CNTN4: variants seen among roughly 807,000 people sequenced by gnomAD.
CNTN4 encodes the protein contactin-4.
In CNTN4, 77 loss-of-function variants were observed where a neutral mutation model predicts 122.5. That is an observed-to-expected ratio of 0.63 (90% CI 0.52 to 0.76). The LOEUF (loss-of-function observed/expected upper bound fraction) is 0.76, where lower values mean the gene tolerates loss of function less well. CNTN4 is among the 30% of genes least tolerant of loss of function. The pLI is 0.00. For missense variants in CNTN4, 1,256 were observed against 1,259.1 expected (o/e 1.00, Z 0.04); for synonymous variants, 512 against 447.0 (o/e 1.15, Z -1.83).
chr3:2,419,638 A>T (rs1366972123), intron 3 of CNTN4, among the ~76,000 whole-genome samples: 2 of 152,204 alleles, frequency 1.3e-5, no homozygotes, highest in African/African-American at 4.8e-5. Context: ...TGAAATTTTC[A>T]ACCAGTTTTT....
At chr3:2,965,696 T>C (rs763801079) in intron 13 of CNTN4, among the ~76,000 whole-genome samples, 13 of 152,176 alleles carry the variant, frequency 8.5e-5, no homozygotes, top group Non-Finnish European at 1.6e-4. Context: ...GTTCTTATCC[T>C]GGGATAAAGT....
chr3:2,294,553 C>A (rs2042239413), intron 2 of CNTN4, among the ~76,000 whole-genome samples: 2 of 152,076 alleles, frequency 1.3e-5, no homozygotes, highest in Admixed American at 1.3e-4. Flanking sequence ...ATCGCTTGAG[C>A]CTGGGAGGCA....
intron 4 of CNTN4, among the ~76,000 whole-genome samples, chr3:2,629,936 C>G (rs2082358457): frequency 6.6e-6 from 1 of 152,170 alleles, no homozygotes; most frequent in African/African-American, 2.4e-5. Context: ...GTTAATATAA[C>G]TTTCATCCTC....
intron 4 of CNTN4, among the ~76,000 whole-genome samples, chr3:2,675,501 C>G (rs2084793291): frequency 6.6e-6 from 1 of 152,202 alleles, no homozygotes; most frequent in South Asian, 2.1e-4. Context: ...TTATCACTAT[C>G]TACAATTATC....
chr3:2,878,553 CTGTGTGTGTGTGTGTGTG>C (rs60925207), intron 8 of CNTN4, among the ~76,000 whole-genome samples: 1 of 146,842 alleles, frequency 6.8e-6, no homozygotes, highest in Non-Finnish European at 1.5e-5. Context: ...GAGATGCTCT[CTGTGTGTGTGTGTGTGTG>C]TGTGTGTGTG....
intron 3 of CNTN4, among the ~76,000 whole-genome samples, chr3:2,449,734 A>G (rs1340725016): frequency 2.6e-5 from 4 of 152,142 alleles, no homozygotes; most frequent in Non-Finnish European, 4.4e-5. Context: ...AAAATGTGGT[A>G]TATTTATGCA....
chr3:2,609,942 A>G (rs574803727), intron 4 of CNTN4, among the ~76,000 whole-genome samples: 1 of 152,358 alleles, frequency 6.6e-6, no homozygotes, highest in Non-Finnish European at 1.5e-5. Context: ...AATTTTGAAT[A>G]CAATTACCAA....
chr3:2,934,810 A>G (rs1333630607), intron 13 of CNTN4, among the ~76,000 whole-genome samples: 1 of 152,270 alleles, frequency 6.6e-6, no homozygotes, highest in Non-Finnish European at 1.5e-5. Flanking sequence ...AAACAACATC[A>G]AAGCAACAGG....
At chr3:2,702,850 T>C (rs919815791) in intron 4 of CNTN4, among the ~76,000 whole-genome samples, 1 of 152,152 alleles carries the variant, frequency 6.6e-6, no homozygotes, top group African/African-American at 2.4e-5. Flanking sequence ...CCATTAGAGA[T>C]TTCTTTTGTA....
intron 3 of CNTN4, among the ~76,000 whole-genome samples, chr3:2,394,514 A>T (rs1013514339): frequency 6.6e-6 from 1 of 152,216 alleles, no homozygotes; most frequent in African/African-American, 2.4e-5. Flanking sequence ...GATTGAAACC[A>T]TATGGAATGC....
At chr3:2,379,613 A>G (rs1191534290) in intron 3 of CNTN4, among the ~76,000 whole-genome samples, 1 of 152,162 alleles carries the variant, frequency 6.6e-6, no homozygotes, top group Non-Finnish European at 1.5e-5. Flanking sequence ...AGGAGATATC[A>G]TTTGTTGTTA....
chr3:2,996,921 A>G (rs930775325), intron 14 of CNTN4, among the ~76,000 whole-genome samples: 1 of 152,192 alleles, frequency 6.6e-6, no homozygotes, highest in Non-Finnish European at 1.5e-5. Flanking sequence ...CAGCATTATT[A>G]CAGTTATATA....
Position 2,445,080 on chromosome 3 carries a change from A to G in CNTN4, c.-89+105847A>G, listed in dbSNP as rs2048574374. ...ACAGCTTGAACGTGATTGAGTGTCC[A>G]TTTAAGCCTACTTGTATTTTCATCT... On this transcript the variant is annotated intron_variant, in intron 3 of 24. Coordinates refer to ENST00000418658, the MANE Select transcript of CNTN4 (RefSeq NM_175607.3). Among the ~76,000 whole-genome samples the G allele has an allele frequency of 2.0e-5, 3 of 151,826 alleles. No homozygotes were observed. In the South Asian group the frequency reaches 6.2e-4, roughly 31 times the overall value.
intron 21 of CNTN4, 88 bp from the exon 22 acceptor site, chr3:3,042,889 A>C (rs981739410): frequency 1.9e-6 from 2 of 1,068,122 alleles, no homozygotes; most frequent in South Asian, 1.3e-5. Context: ...TAACTCCATC[A>C]TAAGAATCTG....
intron 7 of CNTN4, among the ~76,000 whole-genome samples, chr3:2,826,014 G>C (rs994413915): frequency 3.9e-5 from 6 of 152,000 alleles, no homozygotes; most frequent in Admixed American, 6.6e-5. Context: ...TATTATCTTT[G>C]AATCCTCACA....
intron 3 of CNTN4, among the ~76,000 whole-genome samples, chr3:2,506,496 C>A (rs962751520): frequency 2.0e-5 from 3 of 152,234 alleles, no homozygotes; most frequent in African/African-American, 7.2e-5. Flanking sequence ...GATTCAATTT[C>A]TTCCTCCAAT....
In CNTN4 at chr3:2,623,710, T is replaced by C. The variant is rs988839145; in HGVS notation, c.55+52152T>C. Among the ~76,000 whole-genome samples the C allele has an allele frequency of 4.7e-4, 72 of 152,114 alleles. 1 individual carries two copies. The highest frequency in any genetic ancestry group is 3.9e-3 in the Admixed American group (60 of 15,264). On this transcript the variant is annotated intron_variant, in intron 4 of 24. Coordinates refer to ENST00000418658, the MANE Select transcript of CNTN4 (RefSeq NM_175607.3). Reference sequence around the variant, plus strand: ...GTAACACGGTAGCTTGGATGCATCATAGGGCTTGGGAATACAGAGTGGAAA... The same window carrying C: ...GTAACACGGTAGCTTGGATGCATCACAGGGCTTGGGAATACAGAGTGGAAA...
chr3:2,938,683 A>G (rs955741630), intron 13 of CNTN4, among the ~76,000 whole-genome samples: 2 of 152,212 alleles, frequency 1.3e-5, no homozygotes, highest in African/African-American at 4.8e-5. Context: ...TATTTTCAGT[A>G]ATAAACTGGC....
chr3:2,122,739 T>A (rs2033885220), intron 2 of CNTN4, among the ~76,000 whole-genome samples: 1 of 152,214 alleles, frequency 6.6e-6, no homozygotes, highest in African/African-American at 2.4e-5. Context: ...GTTGTCATAA[T>A]GTTTGAGTTG....
Sources: allele counts gnomAD v4.1 joint callset (sites outside exome capture counted in the v4.1 genomes callset), GRCh38; gene constraint gnomAD v4.1.1; transcripts MANE v1.5; gene names NCBI Gene and HGNC (gene_info 2026-07-23, HGNC 2026-07-21).